Variants in FRYL observed in about 807,000 individuals in gnomAD.
The protein encoded by FRYL is protein furry homolog-like.
FRYL carries 150 observed loss-of-function variants against 351.2 expected under a neutral mutation model. The ratio of observed to expected loss-of-function variants is 0.43; its 90% CI spans 0.37 to 0.49. The LOEUF is 0.49. Ranked by LOEUF, FRYL falls within the 20% of genes least tolerant of loss-of-function variation. The pLI is 0.00. For missense variants in FRYL, 3,036 were observed against 3,619.3 expected, an observed-to-expected ratio of 0.84 and a Z score of 4.13; for synonymous variants, 1,153 against 1,257.1, an observed-to-expected ratio of 0.92 and a Z score of 1.75.
chr4:48,656,728 C>CTATA (rs146914218), intron 3 of FRYL, among the ~76,000 whole-genome samples: 71,049 of 144,868 alleles, frequency 0.49, 19,322 homozygotes, highest in South Asian at 0.59. Context: ...ATATGACTGA[C>CTATA]TATATATATA....
chr4:48,679,106 C>T lies in FRYL; in HGVS notation c.-81+5567G>A, dbSNP rs546997318. 2.7e-4 allele frequency among the ~76,000 whole-genome samples: 41 copies of T among 152,194 alleles called. No individual in the cohort carries two copies. In the East Asian group the frequency reaches 4.8e-3, roughly 18 times the overall value. On this transcript the variant is annotated intron_variant, in intron 3 of 63. Transcript: ENST00000358350. ...GCACATATTAATATATACATATTTT[C>T]ACTTATGCATATACACTGTTGAACA...
At chr4:48,654,604 T>G (rs1322862812) in intron 3 of FRYL, among the ~76,000 whole-genome samples, 1 of 152,178 alleles carries the variant, frequency 6.6e-6, no homozygotes, top group Non-Finnish European at 1.5e-5. Flanking sequence ...TGCAACTTAC[T>G]CAAAAGCGAT....
intron 3 of FRYL, among the ~76,000 whole-genome samples, chr4:48,663,534 C>A (rs1216848745): frequency 1.3e-5 from 2 of 151,480 alleles, no homozygotes; most frequent in African/African-American, 4.8e-5. Flanking sequence ...TACAAGTGAT[C>A]TAAAAACTGC....
At chr4:48,633,776 T>C (rs1753709818) in intron 4 of FRYL, among the ~76,000 whole-genome samples, 1 of 152,206 alleles carries the variant, frequency 6.6e-6, no homozygotes, top group Non-Finnish European at 1.5e-5. Flanking sequence ...GCCTGAACTA[T>C]GTACAATAAC....
At chr4:48,507,404 G>T (rs1321712911) in intron 59 of FRYL, among the ~76,000 whole-genome samples, 1 of 152,186 alleles carries the variant, frequency 6.6e-6, no homozygotes, top group Non-Finnish European at 1.5e-5. Flanking sequence ...TCAAATGAAG[G>T]TTAAAATTTT....
Position 48,565,663 on chromosome 4 carries a change from T to G in FRYL, c.3198A>C (p.Gln1066His), listed in dbSNP as rs372150391. The G allele has an allele frequency of 4.3e-6, 7 of 1,610,344 alleles. No individual in the cohort carries two copies. The highest frequency in any genetic ancestry group is 5.9e-6 in the Non-Finnish European group (7 of 1,179,226). Reference sequence around the variant, plus strand: ...TAAATAGACTGTGACGAAGGCTCTGTTGAGGAAAAATACTTCTTCTCTGGT... The same window carrying G: ...TAAATAGACTGTGACGAAGGCTCTGGTGAGGAAAAATACTTCTTCTCTGGT... ...PVHQRRSIFP[Q>H]QSLRHSLFML... Residue 1066 changes from glutamine (Q) to histidine (H), a missense_variant, in exon 29 of 64, where the codon CAA (glutamine) becomes CAC (histidine). This residue lies in a region of FRYL where 15 missense variants were observed against 41.9 expected (regional missense o/e 0.36). Transcript: ENST00000358350.
At chr4:48,761,052 G>T (rs1383837553) in intron 1 of FRYL, among the ~76,000 whole-genome samples, 3 of 118,302 alleles carry the variant, frequency 2.5e-5, no homozygotes, top group African/African-American at 9.4e-5. Flanking sequence ...TGTGTGTGTT[G>T]AAGAGGAAAT....
intron 9 of FRYL, 90 bp from the exon 10 acceptor site, chr4:48,606,696 C>T (rs534860102): frequency 2.1e-6 from 2 of 974,904 alleles, no homozygotes; most frequent in Non-Finnish European, 2.9e-6. Flanking sequence ...AGGTATGCTA[C>T]CTAAATATCA....
chr4:48,755,588 T>C (rs1773692303), intron 1 of FRYL, among the ~76,000 whole-genome samples: 2 of 152,202 alleles, frequency 1.3e-5, no homozygotes, highest in African/African-American at 2.4e-5. Flanking sequence ...CTGTACCTTA[T>C]ATGTTCTCCT....
chr4:48,521,899 T>A (rs1724995634), intron 54 of FRYL, among the ~76,000 whole-genome samples: 1 of 152,124 alleles, frequency 6.6e-6, no homozygotes, highest in South Asian at 2.1e-4. Context: ...CAACTTGACA[T>A]TGTGCCTAAA....
At chr4:48,655,450 T>G (rs1758640404) in intron 3 of FRYL, among the ~76,000 whole-genome samples, 1 of 151,924 alleles carries the variant, frequency 6.6e-6, no homozygotes, top group Non-Finnish European at 1.5e-5. Context: ...AAACACTACA[T>G]ACTATAATAC....
intron 1 of FRYL, among the ~76,000 whole-genome samples, chr4:48,742,390 C>T (rs373902299): frequency 1.3e-5 from 2 of 152,108 alleles, no homozygotes; most frequent in East Asian, 3.9e-4. Flanking sequence ...GTAAGTTTTC[C>T]TCCACTGGCC....
At chr4:48,721,670 C>T (rs1330439081) in intron 1 of FRYL, among the ~76,000 whole-genome samples, 2 of 152,080 alleles carry the variant, frequency 1.3e-5, no homozygotes, top group Non-Finnish European at 2.9e-5. Flanking sequence ...GATGGAGTCT[C>T]ACTCTGTCGC....
intron 5 of FRYL, among the ~76,000 whole-genome samples, chr4:48,621,876 A>G (rs1750708904): frequency 6.6e-6 from 1 of 152,162 alleles, no homozygotes; most frequent in Non-Finnish European, 1.5e-5. Context: ...GTACATTATC[A>G]TAATTTGACA....
chr4:48,520,084 G>A (rs1434261385), intron 55 of FRYL, among the ~76,000 whole-genome samples: 3 of 152,158 alleles, frequency 2.0e-5, no homozygotes, highest in East Asian at 1.9e-4. Context: ...GCAAGAGAAC[G>A]TTCTCTGAAA....
chr4:48,502,215 A>C lies in FRYL; in HGVS notation c.8482-482T>G, dbSNP rs1194324521. ...TGAGGTCATTTTTCTAAAGAAAACC[A>C]CTTGGTAATCTCATTGAAATGAAAC... On this transcript the variant is annotated intron_variant, in intron 61 of 63. Transcript: ENST00000358350. Among the ~76,000 whole-genome samples the C allele has an allele frequency of 2.6e-4, 39 of 152,324 alleles. 1 individual carries two copies.
intron 4 of FRYL, among the ~76,000 whole-genome samples, chr4:48,629,222 C>T (rs578129248): frequency 2.7e-4 from 41 of 152,008 alleles, no homozygotes; most frequent in East Asian, 1.5e-3. Flanking sequence ...ATTTTGAAAC[C>T]GTAACAATGA....
At chr4:48,593,447 C>A (rs1047040844) in intron 16 of FRYL, among the ~76,000 whole-genome samples, 2 of 151,986 alleles carry the variant, frequency 1.3e-5, no homozygotes, top group African/African-American at 4.8e-5. Context: ...CAGGTTCAAG[C>A]GATTCTCCTG....
chr4:48,582,525 T>C lies in FRYL; in HGVS notation c.1958A>G (p.Gln653Arg), dbSNP rs1263709396. 1 of 1,613,744 alleles carries C rather than the reference T, an allele frequency of 6.2e-7. No individual in the cohort carries two copies. The highest frequency in any genetic ancestry group is 8.5e-7 in the Non-Finnish European group (1 of 1,179,614). The change falls in exon 20 of 64, where the codon CAA (glutamine) becomes CGA (arginine). Residue 653 changes from glutamine (Q) to arginine (R), a missense_variant. This residue lies in a region of FRYL where 492 missense variants were observed against 551.5 expected (regional missense o/e 0.89). Coordinates refer to ENST00000358350, the MANE Select transcript of FRYL (RefSeq NM_015030.2). ...QLINQWKQAA[Q>R]MHNKNQDTQH... ...AGTGTCCTGGTTTTTATTATGCATT[T>C]GGGCTGCTTGTTTCCACTGATTTAT...
Sources: allele counts gnomAD v4.1 joint callset (sites outside exome capture counted in the v4.1 genomes callset), GRCh38; gene constraint gnomAD v4.1.1; regional missense constraint gnomAD v4.1.1; transcripts MANE v1.5; gene names NCBI Gene and HGNC (gene_info 2026-07-23, HGNC 2026-07-21).